Variants in NTNG1 observed in about 807,000 individuals in gnomAD.
NTNG1 encodes the protein netrin-G1.
NTNG1 carries 16 observed loss-of-function variants against 54.0 expected under a neutral mutation model. The observed-to-expected ratio is 0.30, with a 90% CI of 0.20 to 0.45. The LOEUF (loss-of-function observed/expected upper bound fraction) is 0.45, where lower values mean the gene tolerates loss of function less well. NTNG1 is among the 20% of genes least tolerant of loss of function. The probability of loss-of-function intolerance (pLI) is 1.00; values close to 1 mark genes in which losing one functional copy is unlikely to be tolerated. For synonymous variants in NTNG1, 255 were observed against 263.1 expected, an observed-to-expected ratio of 0.97 and a Z score of 0.30; for missense variants, 530 against 678.7, an observed-to-expected ratio of 0.78 and a Z score of 2.43.
chr1:107,311,829 A>T (rs1667033991), intron 2 of NTNG1, among the ~76,000 whole-genome samples: 1 of 152,212 alleles, frequency 6.6e-6, no homozygotes, highest in Non-Finnish European at 1.5e-5. Context: ...TTATATGATG[A>T]ATTGCATGAT....
intron 3 of NTNG1, among the ~76,000 whole-genome samples, chr1:107,364,958 C>T (rs1314531462): frequency 6.6e-6 from 1 of 151,908 alleles, no homozygotes; most frequent in Non-Finnish European, 1.5e-5. Context: ...TGATGGGAAA[C>T]AAAATAATTT....
chr1:107,282,602 C>G (rs554944607), intron 2 of NTNG1, among the ~76,000 whole-genome samples: 1 of 152,202 alleles, frequency 6.6e-6, no homozygotes, highest in African/African-American at 2.4e-5. Context: ...GATTCTCTTC[C>G]CAAACACTTT....
intron 2 of NTNG1, among the ~76,000 whole-genome samples, chr1:107,268,097 T>A (rs2101678358): frequency 6.6e-6 from 1 of 152,320 alleles, no homozygotes; most frequent in African/African-American, 2.4e-5. Context: ...ATAACATCAT[T>A]TCTGCAGATA....
At chr1:107,312,889 C>CT (rs879676560) in intron 2 of NTNG1, among the ~76,000 whole-genome samples, 8 of 151,392 alleles carry the variant, frequency 5.3e-5, no homozygotes, top group South Asian at 2.1e-4. Context: ...ATAGAAATAC[C>CT]TTTTTTTTTC....
intron 2 of NTNG1, among the ~76,000 whole-genome samples, chr1:107,225,867 C>A (rs1346657432): frequency 6.6e-6 from 1 of 152,020 alleles, no homozygotes; most frequent in Non-Finnish European, 1.5e-5. Flanking sequence ...ATATGAATTG[C>A]TCAGATAGCC....
Position 107,216,686 on chromosome 1 carries a change from CTT to C in NTNG1, c.246+67860_246+67861del, listed in dbSNP as rs369687969. ...TAGAATGATTTAAGGAGGATTCCCT[CTT>C]TTTTTTTTTTTTGGGAGTCTTCCTC... On this transcript the variant is annotated intron_variant, in intron 2 of 7. Coordinates refer to ENST00000370068, the MANE Select transcript of NTNG1 (RefSeq NM_001113226.3). Among the ~76,000 whole-genome samples the C allele has an allele frequency of 3.9e-3, 542 of 139,854 alleles. 7 individuals carry two copies. Among genetic ancestry groups the C allele is most frequent in the African/African-American group, 0.013 (494 of 38,332 alleles). The allele number at this position is 139,854 out of a possible 152,430, so 91.7% of individuals were successfully genotyped here. A position where few individuals can be genotyped will look rare whatever the true frequency, so the allele number is the denominator to read the frequency against.
intron 7 of NTNG1, among the ~76,000 whole-genome samples, chr1:107,480,102 C>G (rs372995182): frequency 1.3e-5 from 2 of 152,008 alleles, no homozygotes; most frequent in South Asian, 4.2e-4. Context: ...CCATGCCTCC[C>G]GGTGGGTTCT....
intron 5 of NTNG1, among the ~76,000 whole-genome samples, chr1:107,427,441 C>G (rs760186791): frequency 1.1e-4 from 17 of 152,148 alleles, no homozygotes; most frequent in Admixed American, 2.0e-4. Flanking sequence ...GCAACTCAAG[C>G]TGTACCTTAA....
Position 107,156,276 on chromosome 1 carries a change from G to A in NTNG1, c.246+7437G>A, listed in dbSNP as rs76355386. Among the ~76,000 whole-genome samples, 1,253 of 152,238 alleles carry A rather than the reference G, an allele frequency of 8.2e-3. 23 individuals carry two copies. The highest frequency in any genetic ancestry group is 0.029 in the African/African-American group (1,201 of 41,540). ...TGCTCTCAGAAAAGAAATTGTAGAGGCAAAATCTACTCTGAACTCAGATAC... is the reference window on the plus strand; with the variant it reads ...TGCTCTCAGAAAAGAAATTGTAGAGACAAAATCTACTCTGAACTCAGATAC... On this transcript the variant is annotated intron_variant, in intron 2 of 7. Transcript: ENST00000370068.
At chr1:107,208,761 C>T (rs1659391749) in intron 2 of NTNG1, among the ~76,000 whole-genome samples, 1 of 152,096 alleles carries the variant, frequency 6.6e-6, no homozygotes, top group Admixed American at 6.5e-5. Flanking sequence ...CCAGAGGGTG[C>T]CTCAGTTTCT....
intron 3 of NTNG1, among the ~76,000 whole-genome samples, chr1:107,361,392 T>TATA (rs1553232702): frequency 0.031 from 724 of 23,400 alleles, 1 homozygote; most frequent in Admixed American, 0.076. Flanking sequence ...TATATATATA[T>TATA]TTTTTTTTTT....
rs548447572 is a variant in NTNG1 at position 107,473,515 on chromosome 1, G to T, written c.1391-7096G>T. 6.6e-5 allele frequency among the ~76,000 whole-genome samples: 10 copies of T among 152,226 alleles called. 1 individual carries two copies. The highest frequency in any genetic ancestry group is 3.4e-3 in the Middle Eastern group (1 of 294). ...ACTCATAGAGGGGAAAGGAATCAAG[G>T]TCTCGTAAGTCACATTTGACAGTAG... is the stretch of plus-strand genomic sequence containing the variant. On this transcript the variant is annotated intron_variant, in intron 7 of 7. Transcript: ENST00000370068.
chr1:107,195,993 T>C (rs888475818), intron 2 of NTNG1, among the ~76,000 whole-genome samples: 1 of 151,842 alleles, frequency 6.6e-6, no homozygotes, highest in Non-Finnish European at 1.5e-5. Flanking sequence ...CCTCCTAGAA[T>C]GTAAGCCTCA....
At chr1:107,454,961 C>A (rs1676848376) in intron 7 of NTNG1, among the ~76,000 whole-genome samples, 1 of 152,174 alleles carries the variant, frequency 6.6e-6, no homozygotes, top group African/African-American at 2.4e-5. Context: ...TCAGGTGCTA[C>A]GTGTGAGCAC....
chr1:107,450,418 G>C (rs1196802522), intron 7 of NTNG1, among the ~76,000 whole-genome samples: 1 of 152,102 alleles, frequency 6.6e-6, no homozygotes, highest in Non-Finnish European at 1.5e-5. Context: ...CCCAGTTTCT[G>C]TCAGAGTATG....
chr1:107,251,389 A>G (rs116711112), intron 2 of NTNG1, among the ~76,000 whole-genome samples: 86 of 152,252 alleles, frequency 5.6e-4, no homozygotes, highest in African/African-American at 2.0e-3. Flanking sequence ...CAGCCAAACC[A>G]TTCCCCTTTT....
At chr1:107,238,112 G>T (rs1661541827) in intron 2 of NTNG1, among the ~76,000 whole-genome samples, 1 of 152,186 alleles carries the variant, frequency 6.6e-6, no homozygotes, top group Non-Finnish European at 1.5e-5. Context: ...CAAAGCCACA[G>T]GAGTGGAGCT....
chr1:107,259,170 A>G (rs1288493206), intron 2 of NTNG1, among the ~76,000 whole-genome samples: 1 of 152,088 alleles, frequency 6.6e-6, no homozygotes, highest in Admixed American at 6.6e-5. Context: ...TATTATTCCA[A>G]TTTTCTTTTC....
intron 2 of NTNG1, among the ~76,000 whole-genome samples, chr1:107,286,183 T>G (rs1015807068): frequency 3.3e-5 from 5 of 152,210 alleles, no homozygotes; most frequent in African/African-American, 1.2e-4. Flanking sequence ...CCAGGTGCCA[T>G]GGGAAAATGA....
Sources: gnomAD v4.1 joint callset for allele counts (sites outside exome capture counted in the v4.1 genomes callset) on GRCh38, gnomAD v4.1.1 for gene constraint, MANE v1.5 for transcripts, NCBI Gene and HGNC (gene_info 2026-07-23, HGNC 2026-07-21) for gene names.